Variants in GNAQ observed in about 807,000 individuals in gnomAD.
The protein encoded by GNAQ is guanine nucleotide-binding protein G(q) subunit alpha.
GNAQ carries 8 observed loss-of-function variants against 43.9 expected under a neutral mutation model. The observed-to-expected ratio is 0.18, with a 90% CI of 0.11 to 0.33. The LOEUF (loss-of-function observed/expected upper bound fraction) is 0.33. GNAQ is among the 10% of genes least tolerant of loss of function. The pLI is 1.00. For missense variants in GNAQ, 158 were observed against 450.8 expected (o/e 0.35, Z 5.88); for synonymous variants, 155 against 170.7 (o/e 0.91, Z 0.71).
intron 2 of GNAQ, among the ~76,000 whole-genome samples, chr9:77,825,751 A>C (rs1164668289): frequency 1.3e-5 from 2 of 152,178 alleles, no homozygotes; most frequent in African/African-American, 4.8e-5. Context: ...TATTAATAAG[A>C]ATGCTTCATT....
At chr9:77,839,954 T>G (rs545597571) in intron 2 of GNAQ, among the ~76,000 whole-genome samples, 2 of 152,364 alleles carry the variant, frequency 1.3e-5, no homozygotes, top group African/African-American at 2.4e-5. Context: ...GAGAGCCAAG[T>G]TGAACTTTGG....
At chr9:77,926,923 T>C (rs184805554) in intron 1 of GNAQ, among the ~76,000 whole-genome samples, 4 of 152,320 alleles carry the variant, frequency 2.6e-5, no homozygotes, top group Admixed American at 2.6e-4. Flanking sequence ...TTTTCTTCCC[T>C]ATTCGCTAGA....
At chr9:77,833,055 C>T (rs544172887) in intron 2 of GNAQ, among the ~76,000 whole-genome samples, 82 of 152,276 alleles carry the variant, frequency 5.4e-4, no homozygotes, top group Middle Eastern at 6.8e-3. Context: ...CAACCTCTGC[C>T]TCCCGGGTTC....
At chr9:77,961,510 G>A (rs577997267) in intron 1 of GNAQ, among the ~76,000 whole-genome samples, 1 of 152,278 alleles carries the variant, frequency 6.6e-6, no homozygotes, top group South Asian at 2.1e-4. Context: ...AGTGGGGTGA[G>A]AAAGAAACAT....
chr9:77,868,412 AC>A (rs1332399045), intron 2 of GNAQ, among the ~76,000 whole-genome samples: 1 of 152,224 alleles, frequency 6.6e-6, no homozygotes, highest in Non-Finnish European at 1.5e-5. Context: ...TAATGGACTT[AC>A]CTTTAATAAG....
intron 2 of GNAQ, among the ~76,000 whole-genome samples, chr9:77,896,245 A>C (rs1340912314): frequency 1.3e-5 from 2 of 152,192 alleles, no homozygotes; most frequent in Non-Finnish European, 2.9e-5. Context: ...ATTACTTAAT[A>C]AACTTCAGTA....
chr9:77,951,022 T>C (rs1822968589), intron 1 of GNAQ, among the ~76,000 whole-genome samples: 1 of 151,940 alleles, frequency 6.6e-6, no homozygotes, highest in Admixed American at 6.6e-5. Context: ...GTATATCCTG[T>C]ATCTTCACCC....
intron 2 of GNAQ, among the ~76,000 whole-genome samples, chr9:77,822,425 T>C (rs970931526): frequency 4.6e-5 from 7 of 152,140 alleles, no homozygotes; most frequent in Non-Finnish European, 1.0e-4. Context: ...TTTCCTGATA[T>C]TATACCTCAG....
At chr9:77,862,195 G>A (rs1019634516) in intron 2 of GNAQ, among the ~76,000 whole-genome samples, 2 of 151,874 alleles carry the variant, frequency 1.3e-5, no homozygotes, top group Non-Finnish European at 2.9e-5. Flanking sequence ...GGGATCTGGA[G>A]GATCTCTTGT....
chr9:78,031,338 G>A lies in GNAQ; in HGVS notation c.-103C>T. 1 of 916,472 alleles carries A rather than the reference G, an allele frequency of 1.1e-6. No individual in the cohort carries two copies. The highest frequency in any genetic ancestry group is 1.4e-6 in the Non-Finnish European group (1 of 704,306). 56.8% of individuals were successfully genotyped at this position (916,472 alleles called of 1,614,324 possible). ...CCCCCGAGGCAGCGGTGGCCGCCGAGCCCCCGCCGCCCGGGCGCGCGTCCG... is the reference window on the plus strand; with the variant it reads ...CCCCCGAGGCAGCGGTGGCCGCCGAACCCCCGCCGCCCGGGCGCGCGTCCG... On this transcript the variant is annotated 5_prime_UTR_variant, in exon 1 of 7. Transcript: ENST00000286548.
intron 4 of GNAQ, among the ~76,000 whole-genome samples, chr9:77,797,293 A>C (rs1249588244): frequency 6.6e-6 from 1 of 152,152 alleles, no homozygotes; most frequent in Non-Finnish European, 1.5e-5. Flanking sequence ...TTATCCTCCC[A>C]AAGTGCTGGG....
chr9:77,895,883 CG>C lies in GNAQ; in HGVS notation c.321+26277del, dbSNP rs1421077418. Among the ~76,000 whole-genome samples, 9 of 152,198 alleles carry C rather than the reference CG, an allele frequency of 5.9e-5. No homozygotes were observed. In the East Asian group the frequency reaches 1.6e-3, roughly 26 times the overall value. ...AGCTCTCTCTGTCTGCTGCCATCCA[CG>C]TAAGATATGATTTGCTTCTCCTTGC... On this transcript the variant is annotated intron_variant, in intron 2 of 6. Coordinates refer to ENST00000286548, the MANE Select transcript of GNAQ (RefSeq NM_002072.5).
intron 5 of GNAQ, among the ~76,000 whole-genome samples, chr9:77,763,672 CTG>C (rs1826091441): frequency 6.6e-6 from 1 of 152,186 alleles, no homozygotes; most frequent in African/African-American, 2.4e-5. Flanking sequence ...TAAATAAAAA[CTG>C]TTACTGTGAA....
chr9:77,952,887 C>T (rs1043891718), intron 1 of GNAQ, among the ~76,000 whole-genome samples: 2 of 152,052 alleles, frequency 1.3e-5, no homozygotes, highest in African/African-American at 4.8e-5. Flanking sequence ...AAAAACACTT[C>T]CAAAAAAGAA....
At chr9:77,825,084 T>A (rs1284309433) in intron 2 of GNAQ, among the ~76,000 whole-genome samples, 4 of 152,238 alleles carry the variant, frequency 2.6e-5, no homozygotes, top group Admixed American at 2.6e-4. Context: ...GTTGATTATA[T>A]TCATGGCTAC....
chr9:78,004,755 G>C (rs1226002491), intron 1 of GNAQ, among the ~76,000 whole-genome samples: 1 of 152,122 alleles, frequency 6.6e-6, no homozygotes, highest in Non-Finnish European at 1.5e-5. Flanking sequence ...CAATGAGAAA[G>C]AGGCACCATT....
chr9:77,791,513 A>T (rs1237361874), intron 5 of GNAQ, among the ~76,000 whole-genome samples: 1 of 152,148 alleles, frequency 6.6e-6, no homozygotes, highest in Non-Finnish European at 1.5e-5. Context: ...TACGCAAATC[A>T]ACACAGCTCT....
intron 2 of GNAQ, among the ~76,000 whole-genome samples, chr9:77,883,558 T>C (rs775870029): frequency 2.0e-5 from 3 of 151,702 alleles, no homozygotes; most frequent in Non-Finnish European, 4.4e-5. Flanking sequence ...GTATATGGCA[T>C]ACTGGCGGGG....
intron 5 of GNAQ, among the ~76,000 whole-genome samples, chr9:77,783,519 A>G (rs912803083): frequency 1.3e-5 from 2 of 151,994 alleles, no homozygotes; most frequent in Admixed American, 1.3e-4. Context: ...CTTCTTTCAT[A>G]TCATCTTTCC....
Sources: gnomAD v4.1 joint callset for allele counts (sites outside exome capture counted in the v4.1 genomes callset) on GRCh38, gnomAD v4.1.1 for gene constraint, MANE v1.5 for transcripts, NCBI Gene and HGNC (gene_info 2026-07-23, HGNC 2026-07-21) for gene names.